Variants in DHX8 observed in about 807,000 individuals in gnomAD.
The protein encoded by DHX8 is ATP-dependent RNA helicase DHX8.
DHX8 carries 67 observed loss-of-function variants against 140.7 expected under a neutral mutation model. That is an observed-to-expected ratio of 0.48 (90% CI 0.39 to 0.58). DHX8 has a LOEUF of 0.58. Among genes scored for constraint, DHX8 ranks in the 20% least tolerant of loss-of-function variants. DHX8 has a pLI of 0.00. For missense variants in DHX8, 887 were observed against 1,550.7 expected, an observed-to-expected ratio of 0.57 and a Z score of 7.19; for synonymous variants, 533 against 553.2, an observed-to-expected ratio of 0.96 and a Z score of 0.51.
intron 9 of DHX8, 95 bp downstream of exon 9, chr17:43,496,363 T>C: frequency 1.3e-6 from 1 of 792,418 alleles, no homozygotes; most frequent in South Asian, 1.7e-5. Context: ...TATTAATCAT[T>C]TGTTCTTTGG....
chr17:43,491,540 GCT>G (rs1326900802), intron 4 of DHX8, among the ~76,000 whole-genome samples: 3 of 143,770 alleles, frequency 2.1e-5, no homozygotes, highest in African/African-American at 7.6e-5. Flanking sequence ...TTTTTTTTTT[GCT>G]CTGTTACTTG....
chr17:43,497,542 G>A (rs1968934230), intron 9 of DHX8, among the ~76,000 whole-genome samples: 1 of 152,094 alleles, frequency 6.6e-6, no homozygotes, highest in Non-Finnish European at 1.5e-5. Context: ...GATTGCATGA[G>A]CCTAGGAGTT....
chr17:43,504,604 A>G, intron 11 of DHX8, 40 bp from the exon 12 acceptor site: 1 of 1,556,042 alleles, frequency 6.4e-7, no homozygotes. Flanking sequence ...ATCTTGAGGT[A>G]GCTTGAGGAC....
At chr17:43,510,649 C>A (rs1232869283) in intron 16 of DHX8, among the ~76,000 whole-genome samples, 1 of 151,840 alleles carries the variant, frequency 6.6e-6, no homozygotes, top group Non-Finnish European at 1.5e-5. Flanking sequence ...TGGTTGAATC[C>A]ATAGATGGGG....
intron 18 of DHX8, chr17:43,518,491 C>G (rs1288925360): frequency 6.6e-6 from 1 of 152,130 alleles, no homozygotes; most frequent in Non-Finnish European, 1.5e-5. Flanking sequence ...CTTTATATCC[C>G]TCCCACCTAA....
Position 43,507,491 on chromosome 17 carries a change from C to T in DHX8, c.1924-12C>T. On this transcript the variant is annotated splice_polypyrimidine_tract_variant and intron_variant, in intron 13 of 22. Transcript: ENST00000262415. The stretch of plus-strand genomic sequence containing the variant: ...TTTGTATCCTAGGTTTTCCCCTTCT[C>T]TTCTGCTTTAGGTGGGCTACACCAT... The T allele has an allele frequency of 6.2e-7, 1 of 1,603,812 alleles. No homozygotes were observed. The highest frequency in any genetic ancestry group is 8.5e-7 in the Non-Finnish European group (1 of 1,172,600).
At chr17:43,507,365 C>G in intron 13 of DHX8, 138 bp from the exon 14 acceptor site, 1 of 1,088,788 alleles carries the variant, frequency 9.2e-7, no homozygotes, top group Non-Finnish European at 1.3e-6. Flanking sequence ...TAAGACATAC[C>G]TTACTATGAG....
intron 22 of DHX8, 150 bp from the exon 23 acceptor site, chr17:43,523,478 C>T: frequency 8.1e-7 from 1 of 1,235,542 alleles, no homozygotes; most frequent in Non-Finnish European, 1.1e-6. Context: ...TGGGGTGTGG[C>T]TGTCATAAAC....
chr17:43,533,058 CAGT>C, intron 2 of DHX8: 1 of 1,489,294 alleles, frequency 6.7e-7, no homozygotes, highest in Non-Finnish European at 9.0e-7. Flanking sequence ...GTTGGGGTGT[CAGT>C]ATTTCTCCCT....
chr17:43,488,941 A>G (rs564175578), intron 1 of DHX8, among the ~76,000 whole-genome samples: 6 of 152,102 alleles, frequency 3.9e-5, no homozygotes, highest in Admixed American at 3.9e-4. Flanking sequence ...ATTTGTATAA[A>G]TTCTCTAGAA....
intron 11 of DHX8, among the ~76,000 whole-genome samples, chr17:43,503,953 T>G (rs1969352500): frequency 6.6e-6 from 1 of 152,100 alleles, no homozygotes; most frequent in Non-Finnish European, 1.5e-5. Context: ...GGCTCATACC[T>G]GTAATCCCAG....
rs758562383 is a variant in DHX8, at chr17:43,523,635, T to G, written c.3451T>G (p.Tyr1151Asp). 2.5e-6 allele frequency: 4 copies of G among 1,613,970 alleles called. No individual in the cohort carries two copies. The highest frequency in any genetic ancestry group is 1.7e-6 in the Non-Finnish European group (2 of 1,179,964). ...ATCTCTGTCCCCCCTCAGGGTGGTGTACCATGAGCTGGTGCTCACCACCAA... is the reference window on the plus strand; with the variant it reads ...ATCTCTGTCCCCCCTCAGGGTGGTGGACCATGAGCTGGTGCTCACCACCAA... The part of the protein sequence containing the change: ...LFNRQPEWVV[Y>D]HELVLTTKEY... The change falls in exon 23 of 23, where the codon TAC becomes GAC. Residue 1151 changes from tyrosine (Y) to aspartate (D), a missense_variant. Coordinates refer to ENST00000262415, the MANE Select transcript of DHX8 (RefSeq NM_004941.3).
At chr17:43,520,921 G>C (rs1845643607) in intron 20 of DHX8, 42 bp downstream of exon 20, 2 of 1,488,622 alleles carry the variant, frequency 1.3e-6, no homozygotes, top group Non-Finnish European at 1.8e-6. Flanking sequence ...GTGCCATGAA[G>C]TTGGGGTAGT....
chr17:43,518,461 AG>A (rs1237273102), intron 18 of DHX8: 1 of 152,230 alleles, frequency 6.6e-6, no homozygotes, highest in African/African-American at 2.4e-5. Context: ...CTCTGAAAGC[AG>A]GGGCCATATC....
intron 22 of DHX8, 100 bp downstream of exon 22, chr17:43,522,326 G>A: frequency 2.5e-6 from 3 of 1,177,398 alleles, no homozygotes; most frequent in Non-Finnish European, 1.2e-6. Context: ...CTCCCAGTAT[G>A]TCCTAGTATA....
chr17:43,486,556 A>G (rs1269543569), intron 1 of DHX8, among the ~76,000 whole-genome samples: 1 of 152,182 alleles, frequency 6.6e-6, no homozygotes, highest in Non-Finnish European at 1.5e-5. Flanking sequence ...TAATTTAACA[A>G]TTCCCCTGTA....
chr17:43,526,401 G>A (rs773750542), downstream of DHX8: 21 of 1,521,640 alleles, frequency 1.4e-5, no homozygotes, highest in Non-Finnish European at 1.8e-5. Flanking sequence ...GTCCCTATGG[G>A]GCATGTGTGA....
chr17:43,533,041 G>A lies in DHX8; in HGVS notation c.351-3371G>A, dbSNP rs1173495771. On this transcript the variant is annotated intron_variant, in intron 2 of 3. Transcript: ENST00000589898. ...TTTAGAGTGGGCTCCGGAATGGGGG[G>A]TAGGGGGTTGGGGTGTCAGTATTTC... is the stretch of plus-strand genomic sequence containing the variant. The A allele has an allele frequency of 3.3e-6, 5 of 1,495,954 alleles. No homozygotes were observed. In the South Asian group the frequency reaches 5.3e-5, roughly 16 times the overall value. The allele number at this position is 1,495,954 out of a possible 1,614,324, so 92.7% of individuals were successfully genotyped here.
At chr17:43,515,156 G>A (rs2154586805) in intron 17 of DHX8, among the ~76,000 whole-genome samples, 1 of 152,012 alleles carries the variant, frequency 6.6e-6, no homozygotes, top group East Asian at 1.9e-4. Flanking sequence ...TTTTTATTTT[G>A]AAACTTAAGT....
Sources: allele counts gnomAD v4.1 joint callset (sites outside exome capture counted in the v4.1 genomes callset), GRCh38; gene constraint gnomAD v4.1.1; transcripts MANE v1.5; gene names NCBI Gene and HGNC (gene_info 2026-07-23, HGNC 2026-07-21).